NELL1: variants seen among roughly 807,000 people sequenced by gnomAD.
NELL1 encodes the protein neural EGFL like 1.
NELL1 carries 76 observed loss-of-function variants against 107.4 expected under a neutral mutation model. That is an observed-to-expected ratio of 0.71 (90% confidence interval 0.59 to 0.86). The LOEUF (loss-of-function observed/expected upper bound fraction) is 0.86. NELL1 is among the 40% of genes least tolerant of loss of function. The pLI is 0.00. For synonymous variants in NELL1, 353 were observed against 341.2 expected (o/e 1.03, Z -0.38); for missense variants, 1,024 against 1,005.5 (o/e 1.02, Z -0.25).
chr11:21,139,169 T>C (rs1855808933), intron 13 of NELL1, among the ~76,000 whole-genome samples: 1 of 152,224 alleles, frequency 6.6e-6, no homozygotes, highest in Non-Finnish European at 1.5e-5. Context: ...GAAGAGGACC[T>C]TCTTTGGAAA....
chr11:21,046,952 A>C (rs1319701487), intron 12 of NELL1, among the ~76,000 whole-genome samples: 1 of 151,774 alleles, frequency 6.6e-6, no homozygotes, highest in East Asian at 1.9e-4. Context: ...CTTGGGCTCA[A>C]GTGATACTCT....
rs760709127 is a variant in NELL1 at position 20,847,567 on chromosome 11, G to T, written c.336-16G>T. 2.5e-6 allele frequency: 4 copies of T among 1,607,972 alleles called. No individual in the cohort carries two copies. Among genetic ancestry groups the T allele is most frequent in the Admixed American group, 1.7e-5 (1 of 59,328 alleles). On this transcript the variant is annotated splice_polypyrimidine_tract_variant and intron_variant, in intron 3 of 19. Transcript: ENST00000357134. Reference sequence around the variant, plus strand: ...CAGAACTAAAATAAAACAAATGTTTGTTCCTTTACATACAGCTATTTTGAA... The same window carrying T: ...CAGAACTAAAATAAAACAAATGTTTTTTCCTTTACATACAGCTATTTTGAA...
intron 2 of NELL1, among the ~76,000 whole-genome samples, chr11:20,691,442 T>A (rs1854463169): frequency 6.6e-6 from 1 of 151,998 alleles, no homozygotes; most frequent in African/African-American, 2.4e-5. Context: ...GCTCTTATTA[T>A]TTTGAGATAC....
At chr11:21,498,738 C>T (rs1855054985) in intron 15 of NELL1, among the ~76,000 whole-genome samples, 1 of 151,900 alleles carries the variant, frequency 6.6e-6, no homozygotes, top group Non-Finnish European at 1.5e-5. Flanking sequence ...AAAAATTATT[C>T]TGTGAAGAGA....
At chr11:20,927,013 G>A in intron 7 of NELL1, 1 of 290,192 alleles carries the variant, frequency 3.4e-6, no homozygotes, top group Admixed American at 5.0e-5. Flanking sequence ...GTTTTTGTGT[G>A]GGCTTGAATG....
At chr11:21,124,293 A>T (rs964802366) in intron 13 of NELL1, among the ~76,000 whole-genome samples, 16 of 152,180 alleles carry the variant, frequency 1.1e-4, no homozygotes, top group Non-Finnish European at 2.1e-4. Context: ...AAATTAAAAA[A>T]ATATATATTT....
intron 6 of NELL1, among the ~76,000 whole-genome samples, 164 bp downstream of exon 6, chr11:20,918,418 T>A (rs878894315): frequency 1.3e-5 from 2 of 151,924 alleles, no homozygotes; most frequent in African/African-American, 2.4e-5. Context: ...TCTGTGTCTT[T>A]AAAAAAATAT....
intron 3 of NELL1, among the ~76,000 whole-genome samples, chr11:20,802,900 C>T (rs1321589183): frequency 6.6e-6 from 1 of 152,146 alleles, no homozygotes. Flanking sequence ...ACCATCTGTG[C>T]ATACTTGGGA....
chr11:21,323,982 C>G (rs1380171410), intron 14 of NELL1, among the ~76,000 whole-genome samples: 1 of 152,234 alleles, frequency 6.6e-6, no homozygotes, highest in East Asian at 1.9e-4. Flanking sequence ...TTGCTCTTAC[C>G]TCACTTCCTG....
At chr11:21,483,990 C>CATATATATATATAGAT (rs1854559438) in intron 15 of NELL1, among the ~76,000 whole-genome samples, 1 of 88,400 alleles carries the variant, frequency 1.1e-5, no homozygotes, top group African/African-American at 4.8e-5. Context: ...TTTTACTTAA[C>CATATATATATATAGAT]ATATATATAT....
intron 5 of NELL1, among the ~76,000 whole-genome samples, chr11:20,906,694 G>T (rs1391629353): frequency 6.6e-6 from 1 of 151,872 alleles, no homozygotes; most frequent in Non-Finnish European, 1.5e-5. Flanking sequence ...CATAAGAAAA[G>T]TCAAGCAATA....
chr11:21,246,037 C>G (rs370311623), intron 14 of NELL1, among the ~76,000 whole-genome samples: 2 of 151,702 alleles, frequency 1.3e-5, no homozygotes, highest in African/African-American at 4.8e-5. Flanking sequence ...TTTTTTGACT[C>G]AAAGAATGTT....
intron 15 of NELL1, among the ~76,000 whole-genome samples, chr11:21,491,871 C>T (rs1159214494): frequency 2.0e-5 from 3 of 152,068 alleles, no homozygotes; most frequent in Admixed American, 2.0e-4. Flanking sequence ...TCTTTTATTT[C>T]ATTGAGCAGT....
chr11:21,284,852 G>A (rs1849080966), intron 14 of NELL1: 1 of 301,798 alleles, frequency 3.3e-6, no homozygotes. Context: ...TGGCATCCTT[G>A]GACAACAAAA....
chr11:20,739,962 A>C (rs780655186), intron 2 of NELL1, among the ~76,000 whole-genome samples: 155 of 152,310 alleles, frequency 1.0e-3, no homozygotes, highest in Non-Finnish European at 2.0e-3. Context: ...TCAGAGAGGG[A>C]ACTATTTATT....
chr11:21,377,117 T>C (rs1376666407), intron 15 of NELL1, among the ~76,000 whole-genome samples: 1 of 152,088 alleles, frequency 6.6e-6, no homozygotes, highest in African/African-American at 2.4e-5. Flanking sequence ...ATCTTTGTCT[T>C]GTTCCAGTTC....
intron 14 of NELL1, among the ~76,000 whole-genome samples, chr11:21,342,766 G>T (rs1479718698): frequency 6.6e-6 from 1 of 151,660 alleles, no homozygotes; most frequent in African/African-American, 2.4e-5. Flanking sequence ...GAGGAACTTA[G>T]CATTGTGTCT....
At chr11:20,672,577 T>C (rs749612410) in intron 1 of NELL1, among the ~76,000 whole-genome samples, 20 of 152,338 alleles carry the variant, frequency 1.3e-4, no homozygotes, top group Non-Finnish European at 1.0e-4. Flanking sequence ...CAGTTCTTGT[T>C]ATTTCTGGTT....
intron 5 of NELL1, among the ~76,000 whole-genome samples, chr11:20,903,185 T>C (rs1849916777): frequency 1.3e-5 from 2 of 151,492 alleles, no homozygotes; most frequent in Non-Finnish European, 3.0e-5. Flanking sequence ...TGTATATATG[T>C]ATATGTATAT....
Sources: allele counts gnomAD v4.1 joint callset (sites outside exome capture counted in the v4.1 genomes callset), GRCh38; gene constraint gnomAD v4.1.1; transcripts MANE v1.5; gene names NCBI Gene and HGNC (gene_info 2026-07-23, HGNC 2026-07-21).